RORA: variants seen among roughly 807,000 people sequenced by gnomAD.
RORA encodes RAR related orphan receptor A, also known as nuclear receptor ROR-alpha.
RORA carries 7 observed loss-of-function variants against 69.5 expected under a neutral mutation model. The ratio of observed to expected loss-of-function variants is 0.10; its 90% CI spans 0.06 to 0.19. The LOEUF is 0.19. RORA is among the 10% of genes least tolerant of loss of function. The pLI, the probability that RORA is intolerant of heterozygous loss-of-function variation, is 1.00. For missense variants in RORA, 457 were observed against 663.0 expected, an observed-to-expected ratio of 0.69 and a Z score of 3.41; for synonymous variants, 261 against 240.8, an observed-to-expected ratio of 1.08 and a Z score of -0.78.
chr15:60,921,648 A>G (rs1027088326), intron 1 of RORA, among the ~76,000 whole-genome samples: 6 of 152,218 alleles, frequency 3.9e-5, no homozygotes, highest in African/African-American at 1.4e-4. Context: ...TGATCTGTGC[A>G]CATTTCTTTG....
chr15:61,024,574 C>T (rs1895705485), intron 1 of RORA, among the ~76,000 whole-genome samples: 1 of 151,910 alleles, frequency 6.6e-6, no homozygotes, highest in African/African-American at 2.4e-5. Context: ...CCTCAGCCTC[C>T]CGAGTAGCTG....
At chr15:60,841,856 C>A (rs1292317773) in intron 1 of RORA, among the ~76,000 whole-genome samples, 1 of 152,208 alleles carries the variant, frequency 6.6e-6, no homozygotes, top group Non-Finnish European at 1.5e-5. Context: ...AAAACAGCCT[C>A]AAACCTTTTT....
At chr15:60,806,547 AAAAATGGC>A (rs2072662236) in intron 1 of RORA, among the ~76,000 whole-genome samples, 1 of 152,322 alleles carries the variant, frequency 6.6e-6, no homozygotes, top group African/African-American at 2.4e-5. Flanking sequence ...TGGTAATGAG[AAAAATGGC>A]AATGCCTGGG....
At chr15:60,999,112 T>C (rs1211370091) in intron 1 of RORA, among the ~76,000 whole-genome samples, 1 of 152,112 alleles carries the variant, frequency 6.6e-6, no homozygotes, top group African/African-American at 2.4e-5. Context: ...TATCAAGCAG[T>C]TGTTGCTGAT....
chr15:61,151,403 C>G (rs1042661455), intron 1 of RORA, among the ~76,000 whole-genome samples: 3 of 152,204 alleles, frequency 2.0e-5, no homozygotes, highest in Non-Finnish European at 1.5e-5. Context: ...CCCCTTTGTT[C>G]TTCAGTACCT....
At chr15:60,594,429 C>T (rs2068623324) in intron 2 of RORA, among the ~76,000 whole-genome samples, 1 of 152,218 alleles carries the variant, frequency 6.6e-6, no homozygotes, top group Non-Finnish European at 1.5e-5. Flanking sequence ...GGATGGAAAA[C>T]CATCGGAGAC....
chr15:61,078,774 T>TCTAC (rs143173909), intron 1 of RORA, among the ~76,000 whole-genome samples: 6 of 150,744 alleles, frequency 4.0e-5, no homozygotes, highest in African/African-American at 1.5e-4. Flanking sequence ...TGGCTATCTA[T>TCTAC]CTATCTATCT....
chr15:60,686,233 A>C (rs2070746463), intron 1 of RORA, among the ~76,000 whole-genome samples: 1 of 152,238 alleles, frequency 6.6e-6, no homozygotes, highest in Non-Finnish European at 1.5e-5. Context: ...CGGGTTCCCC[A>C]GCAAAGGCAA....
intron 1 of RORA, among the ~76,000 whole-genome samples, chr15:60,982,297 G>C (rs1894066752): frequency 6.6e-6 from 1 of 152,194 alleles, no homozygotes; most frequent in African/African-American, 2.4e-5. Context: ...CTGAGTGTGT[G>C]CACAGCCCTG....
intron 1 of RORA, among the ~76,000 whole-genome samples, chr15:61,149,018 T>C (rs1220705089): frequency 6.6e-6 from 1 of 152,208 alleles, no homozygotes; most frequent in African/African-American, 2.4e-5. Flanking sequence ...TCGGTCTTCT[T>C]GATGATGCCT....
intron 1 of RORA, among the ~76,000 whole-genome samples, chr15:60,744,812 C>G (rs779211502): frequency 2.6e-5 from 4 of 152,232 alleles, no homozygotes; most frequent in Non-Finnish European, 5.9e-5. Context: ...CTCCTCTACT[C>G]CTTCCTGGTA....
At chr15:60,706,828 T>C (rs1394267758) in intron 1 of RORA, among the ~76,000 whole-genome samples, 1 of 152,008 alleles carries the variant, frequency 6.6e-6, no homozygotes, top group Non-Finnish European at 1.5e-5. Context: ...CTCTGCAGAG[T>C]TGGGGCTCAG....
intron 1 of RORA, among the ~76,000 whole-genome samples, chr15:60,903,426 T>C (rs776459123): frequency 2.0e-5 from 3 of 152,220 alleles, no homozygotes; most frequent in African/African-American, 4.8e-5. Flanking sequence ...AGCAGCTTTA[T>C]ATAAAATGTC....
chr15:60,938,096 C>G (rs575279787), intron 1 of RORA, among the ~76,000 whole-genome samples: 2 of 152,006 alleles, frequency 1.3e-5, no homozygotes, highest in African/African-American at 4.8e-5. Flanking sequence ...CTTGTGTACA[C>G]AAGCTAATGT....
intron 2 of RORA, among the ~76,000 whole-genome samples, chr15:60,573,435 T>C (rs965027527): frequency 6.6e-6 from 1 of 152,146 alleles, no homozygotes; most frequent in Admixed American, 6.5e-5. Context: ...AAAAAGCTTT[T>C]TTATCTCTTG....
At chr15:60,832,613 C>T (rs1294343376) in intron 1 of RORA, among the ~76,000 whole-genome samples, 1 of 152,042 alleles carries the variant, frequency 6.6e-6, no homozygotes, top group South Asian at 2.1e-4. Context: ...TCTTAGACAT[C>T]TATACCCAAA....
rs1306027735 is a variant in RORA, at chr15:61,131,174, G to A, written c.166+97879C>T. 1.3e-5 allele frequency among the ~76,000 whole-genome samples: 2 copies of A among 152,206 alleles called. No individual in the cohort carries two copies. Among genetic ancestry groups the A allele is most frequent in the Non-Finnish European group, 2.9e-5 (2 of 68,044 alleles). On this transcript the variant is annotated intron_variant, in intron 1 of 10. Transcript: ENST00000335670. This position sits in a 1 kb window ranked among gnomAD's most constrained non-coding sequence, Gnocchi z 4.2. ...GTCACACCACTTTTGAACACTGGGTGTAAACTTGATGGTCACTAACATTCC... is the reference window on the plus strand; with the variant it reads ...GTCACACCACTTTTGAACACTGGGTATAAACTTGATGGTCACTAACATTCC...
Position 61,066,418 on chromosome 15 carries a change from C to CTTTTTTTTTT in RORA, c.166+162625_166+162634dup, listed in dbSNP as rs1168663714. On this transcript the variant is annotated intron_variant, in intron 1 of 10. Transcript: ENST00000335670. ...AATTGTGGGAAGACAGGGCATATTC[C>CTTTTTTTTTT]TTTTTTTTTTTTTTTTTTTTTTTTT... Among the ~76,000 whole-genome samples the CTTTTTTTTTT allele has an allele frequency of 4.2e-4, 34 of 80,964 alleles. 2 individuals are homozygous for CTTTTTTTTTT. Among genetic ancestry groups the CTTTTTTTTTT allele is most frequent in the African/African-American group, 1.3e-3 (27 of 20,406 alleles). The allele number at this position is 80,964 out of a possible 152,430, so 53.1% of individuals were successfully genotyped here.
rs567327593 is a variant in RORA, at chr15:61,109,611, T to C, written c.166+119442A>G. 6.6e-5 allele frequency among the ~76,000 whole-genome samples: 10 copies of C among 152,354 alleles called. No homozygotes were observed. The South Asian group carries it at 2.1e-3, about 32-fold the overall frequency. ...AGTAAGCATTTATTGGGAGTTGATT[T>C]ACTTAGCACTGTATTAGAAACTACA... On this transcript the variant is annotated intron_variant, in intron 1 of 10. Coordinates refer to ENST00000335670, the MANE Select transcript of RORA (RefSeq NM_134261.3).
Sources: allele counts gnomAD v4.1 joint callset (sites outside exome capture counted in the v4.1 genomes callset), GRCh38; gene constraint gnomAD v4.1.1; non-coding constraint Gnocchi (gnomAD v3.1); transcripts MANE v1.5; gene names NCBI Gene and HGNC (gene_info 2026-07-23, HGNC 2026-07-21).